AASS: variants seen among roughly 807,000 people sequenced by gnomAD.
The protein encoded by AASS is aminoadipate-semialdehyde synthase.
AASS carries 86 observed loss-of-function variants against 105.4 expected under a neutral mutation model. The observed-to-expected ratio is 0.82, with a 90% confidence interval of 0.69 to 0.98. The LOEUF is 0.98. Ranked by LOEUF, AASS falls within the 50% of genes least tolerant of loss-of-function variation. The pLI is 0.00. For missense variants in AASS, 1,048 were observed against 1,143.2 expected, an observed-to-expected ratio of 0.92 and a Z score of 1.20; for synonymous variants, 381 against 394.8, an observed-to-expected ratio of 0.96 and a Z score of 0.41.
intron 1 of AASS, among the ~76,000 whole-genome samples, chr7:122,134,768 TTACTGGTATA>T (rs1183084545): frequency 0.011 from 1 of 94 alleles, no homozygotes; most frequent in Admixed American, 0.083. Context: ...AGCCATCTCA[TTACTGGTATA>T]TACCCAAAGG....
chr7:122,100,721 C>CA (rs1390909551), intron 13 of AASS, among the ~76,000 whole-genome samples: 2 of 151,294 alleles, frequency 1.3e-5, no homozygotes, highest in East Asian at 1.9e-4. Flanking sequence ...CAGAATATTC[C>CA]AAAAAAATAA....
chr7:122,092,944 C>A lies in AASS; in HGVS notation c.1774G>T (p.Asp592Tyr), dbSNP rs141402102. ...TCACCAATGATTGTGATGCCAGCATCTTCCACACTGCAGCAGGTGGAAAGA... is the reference window on the plus strand; with the variant it reads ...TCACCAATGATTGTGATGCCAGCATATTCCACACTGCAGCAGGTGGAAAGA... ...ALKELEKSVE[D>Y]AGITIIGELG... The change falls in exon 17 of 24, where the codon GAT becomes TAT. Residue 592 changes from aspartate (D) to tyrosine (Y), a missense_variant. Asp to Tyr is a radical substitution (Grantham distance 160). Transcript: ENST00000417368. 34 of 1,613,736 alleles carry A rather than the reference C, an allele frequency of 2.1e-5. No homozygotes were observed. Among genetic ancestry groups the A allele is most frequent in the Non-Finnish European group, 2.9e-5 (34 of 1,179,836 alleles).
chr7:122,093,545 C>A (rs1381027972), intron 15 of AASS, among the ~76,000 whole-genome samples: 2 of 152,180 alleles, frequency 1.3e-5, no homozygotes, highest in Admixed American at 1.3e-4. Context: ...TGCTGTGCCT[C>A]ATGCCTGTAA....
intron 11 of AASS, among the ~76,000 whole-genome samples, chr7:122,105,430 C>A (rs536713725): frequency 6.6e-6 from 1 of 152,094 alleles, no homozygotes; most frequent in South Asian, 2.1e-4. Flanking sequence ...TGTACGCATT[C>A]TTCTCTAGTA....
At chr7:122,116,250 A>G (rs1795165011) in intron 8 of AASS, among the ~76,000 whole-genome samples, 1 of 152,200 alleles carries the variant, frequency 6.6e-6, no homozygotes, top group Non-Finnish European at 1.5e-5. Context: ...TTGCTGGCTG[A>G]GATTATGGTT....
chr7:122,128,170 C>T (rs754157074), intron 3 of AASS, among the ~76,000 whole-genome samples: 31 of 152,188 alleles, frequency 2.0e-4, no homozygotes, highest in Admixed American at 2.6e-4. Context: ...TCACAACTTT[C>T]TCTTCCACCA....
At chr7:122,126,268 T>A in intron 4 of AASS, 107 bp downstream of exon 4, 1 of 965,272 alleles carries the variant, frequency 1.0e-6, no homozygotes. Context: ...TTTAATTTTT[T>A]CCATGGAAAT....
At chr7:122,084,977 G>A (rs1793555021) in intron 19 of AASS, among the ~76,000 whole-genome samples, 2 of 152,126 alleles carry the variant, frequency 1.3e-5, no homozygotes, top group South Asian at 4.2e-4. Flanking sequence ...AAATTCATGG[G>A]CATCCACAGC....
rs1302047356 is a variant in AASS, at chr7:122,115,238, C to T, written c.895-16G>A. 1 of 1,613,688 alleles carries T rather than the reference C, an allele frequency of 6.2e-7. No homozygotes were observed. Among genetic ancestry groups the T allele is most frequent in the African/African-American group, 1.3e-5 (1 of 74,844 alleles). ...AGGGTGCAATCTGTAATGCAAGTTC[C>T]AGGTTCAAGAAAATAGAAAATAGCC... On this transcript the variant is annotated splice_polypyrimidine_tract_variant and intron_variant, in intron 8 of 23. Coordinates refer to ENST00000417368, the MANE Select transcript of AASS (RefSeq NM_005763.4).
rs151106944 is a variant in AASS, at chr7:122,141,751, A to C, written c.-16+2410T>G. On this transcript the variant is annotated intron_variant, in intron 1 of 23. Coordinates refer to ENST00000417368, the MANE Select transcript of AASS (RefSeq NM_005763.4). ...TGAAATATAGTACAGTATAGTGGGA[A>C]AACTTAGACATGGGAGCTGGGACAC... is the stretch of plus-strand genomic sequence containing the variant. Among the ~76,000 whole-genome samples the C allele has an allele frequency of 3.3e-3, 507 of 152,070 alleles. 2 individuals are homozygous for C. Among genetic ancestry groups the C allele is most frequent in the Middle Eastern group, 0.01 (3 of 294 alleles).
intron 18 of AASS, among the ~76,000 whole-genome samples, chr7:122,087,756 C>G (rs887794893): frequency 6.6e-6 from 1 of 152,118 alleles, no homozygotes; most frequent in African/African-American, 2.4e-5. Context: ...ATTTCTATAA[C>G]CCATGACAAT....
rs35040361 is a variant in AASS at position 122,092,857 on chromosome 7, C to T, written c.1861G>A (p.Glu621Lys). 90 of 1,613,890 alleles carry T rather than the reference C, an allele frequency of 5.6e-5. No individual in the cohort carries two copies. In the African/African-American group the frequency reaches 1.1e-3, roughly 20 times the overall value. ...ATTGGGCTCACCGTGGCTCCCACTT[C>T]CTTGGCTTTATCTATTGTTTCCATT... ...LAMETIDKAK[E>K]VGATIESYIS... Residue 621 changes from glutamate (E) to lysine (K), a missense_variant, in exon 17 of 24, where the codon GAA (glutamate) becomes AAA (lysine). Physicochemically the swap from Glu to Lys is moderately conservative, Grantham distance 56. Coordinates refer to ENST00000417368, the MANE Select transcript of AASS (RefSeq NM_005763.4).
intron 4 of AASS, among the ~76,000 whole-genome samples, chr7:122,120,320 A>T (rs1481383418): frequency 1.3e-5 from 2 of 152,078 alleles, no homozygotes; most frequent in Admixed American, 1.3e-4. Flanking sequence ...ACATTTTGAA[A>T]ATTTATCTAG....
intron 14 of AASS, 49 bp downstream of exon 14, chr7:122,098,696 A>G: frequency 1.3e-6 from 2 of 1,598,092 alleles, no homozygotes; most frequent in Non-Finnish European, 1.7e-6. Flanking sequence ...GTAGAAGTCA[A>G]CACGCTATAA....
intron 1 of AASS, among the ~76,000 whole-genome samples, chr7:122,140,877 TA>T (rs543836575): frequency 0.025 from 3,183 of 126,656 alleles, 45 homozygotes; most frequent in Admixed American, 0.05. Context: ...TCCAAGTAAC[TA>T]AAAAAAAAAA....
chr7:122,083,338 A>T (rs78657423), intron 19 of AASS, among the ~76,000 whole-genome samples: 1 of 152,166 alleles, frequency 6.6e-6, no homozygotes, highest in African/African-American at 2.4e-5. Flanking sequence ...AGATCCCTTT[A>T]TCCAACATCT....
At chr7:122,140,268 G>C (rs1796322734) in intron 1 of AASS, among the ~76,000 whole-genome samples, 1 of 151,776 alleles carries the variant, frequency 6.6e-6, no homozygotes, top group African/African-American at 2.4e-5. Context: ...GGCGGATCAC[G>C]AGGTCAGGAG....
intron 3 of AASS, among the ~76,000 whole-genome samples, chr7:122,128,726 T>TC (rs1391499041): frequency 6.6e-6 from 1 of 152,194 alleles, no homozygotes; most frequent in Admixed American, 6.5e-5. Flanking sequence ...AGCTGCTAGT[T>TC]TTTTTCATAG....
At chr7:122,080,728 A>C (rs1345855740) in intron 20 of AASS, among the ~76,000 whole-genome samples, 1 of 152,194 alleles carries the variant, frequency 6.6e-6, no homozygotes, top group Non-Finnish European at 1.5e-5. Flanking sequence ...TGTCCTCCAT[A>C]AATATATACA....
Sources: allele counts gnomAD v4.1 joint callset (sites outside exome capture counted in the v4.1 genomes callset), GRCh38; gene constraint gnomAD v4.1.1; transcripts MANE v1.5; gene names NCBI Gene and HGNC (gene_info 2026-07-23, HGNC 2026-07-21).